PDE3B: variants seen among roughly 807,000 people sequenced by gnomAD.
PDE3B encodes the protein phosphodiesterase 3B, also known as cGMP-inhibited 3',5'-cyclic phosphodiesterase 3B.
Under a neutral mutation model 116.8 loss-of-function variants are expected in PDE3B, and 66 were observed. That is an observed-to-expected ratio of 0.56 (90% CI 0.46 to 0.69). The LOEUF is 0.69. Ranked by LOEUF, PDE3B falls within the 30% of genes least tolerant of loss-of-function variation. The pLI is 0.00. For synonymous variants in PDE3B, 595 were observed against 533.6 expected (o/e 1.12, Z -1.59); for missense variants, 1,384 against 1,368.1 (o/e 1.01, Z -0.18).
intron 1 of PDE3B, among the ~76,000 whole-genome samples, chr11:14,672,647 C>A (rs969477810): frequency 6.6e-6 from 1 of 152,154 alleles, no homozygotes; most frequent in African/African-American, 2.4e-5. Flanking sequence ...CGGGCTCCTT[C>A]CTTTATGTTG....
intron 1 of PDE3B, among the ~76,000 whole-genome samples, chr11:14,711,741 A>T (rs1455561409): frequency 1.3e-5 from 2 of 152,200 alleles, no homozygotes; most frequent in Non-Finnish European, 2.9e-5. Context: ...TGAGATTTGT[A>T]GGGGACATCC....
intron 1 of PDE3B, among the ~76,000 whole-genome samples, chr11:14,660,912 T>C (rs1455287586): frequency 1.3e-5 from 2 of 152,080 alleles, no homozygotes; most frequent in Admixed American, 1.3e-4. Context: ...AAAAAACACA[T>C]GAAAAAATGC....
At chr11:14,752,586 T>C (rs1397548927) in intron 1 of PDE3B, among the ~76,000 whole-genome samples, 1 of 152,164 alleles carries the variant, frequency 6.6e-6, no homozygotes, top group Non-Finnish European at 1.5e-5. Flanking sequence ...TATGGAGTCA[T>C]GGCTGTCTTT....
chr11:14,713,309 C>G (rs1020103315), intron 1 of PDE3B, among the ~76,000 whole-genome samples: 2 of 152,184 alleles, frequency 1.3e-5, no homozygotes, highest in African/African-American at 4.8e-5. Flanking sequence ...GTGAACCTCA[C>G]TGGATCACGG....
intron 4 of PDE3B, among the ~76,000 whole-genome samples, chr11:14,795,997 A>T (rs1011560361): frequency 6.6e-6 from 1 of 151,958 alleles, no homozygotes; most frequent in Non-Finnish European, 1.5e-5. Context: ...CCTACATTAG[A>T]TATTTCTCCT....
At chr11:14,735,976 G>GTT (rs1856586661) in intron 1 of PDE3B, among the ~76,000 whole-genome samples, 1 of 151,816 alleles carries the variant, frequency 6.6e-6, no homozygotes, top group Non-Finnish European at 1.5e-5. Context: ...GTGTGTGTGT[G>GTT]TGTGTGTGTG....
At position 14,789,129 on chromosome 11, in the gene PDE3B, A is replaced by G; in HGVS notation, c.1302A>G (p.Pro434=). 6.2e-7 allele frequency: 1 copy of G among 1,609,974 alleles called. No homozygotes were observed. Among genetic ancestry groups the G allele is most frequent in the Non-Finnish European group, 8.5e-7 (1 of 1,177,692 alleles). ...LNKGLNRNSL[P]TPQLRRSSGT... is the part of the protein sequence containing the mutation. ...AGGGACTAAATAGGAATAGTTTGCC[A>G]ACTCCACAGCTGAGGAGAAGCTCAG... The change falls in exon 4 of 16, where the codon CCA becomes CCG. Residue 434 remains proline, a synonymous_variant. Transcript: ENST00000282096.
chr11:14,730,116 A>G (rs1190838588), intron 1 of PDE3B, among the ~76,000 whole-genome samples: 5 of 152,184 alleles, frequency 3.3e-5, no homozygotes, highest in African/African-American at 9.7e-5. Flanking sequence ...TAGCCAATGA[A>G]TGCTGTCTCT....
chr11:14,684,380 AG>A (rs992764046), intron 1 of PDE3B, among the ~76,000 whole-genome samples: 1 of 152,080 alleles, frequency 6.6e-6, no homozygotes, highest in Non-Finnish European at 1.5e-5. Flanking sequence ...TCAAAAGGAG[AG>A]GGGGTACAAG....
intron 1 of PDE3B, chr11:14,698,910 A>G (rs2133815115): frequency 2.0e-5 from 3 of 152,128 alleles, no homozygotes; most frequent in Middle Eastern, 6.8e-3. Flanking sequence ...CATGGAGGAA[A>G]ATGAGTGACC....
intron 12 of PDE3B, among the ~76,000 whole-genome samples, chr11:14,847,944 T>C (rs1177788265): frequency 1.3e-5 from 2 of 152,140 alleles, no homozygotes; most frequent in Non-Finnish European, 2.9e-5. Context: ...TCTGAAACTA[T>C]TCCAATCAAT....
chr11:14,778,782 T>C (rs1173600103), intron 2 of PDE3B, among the ~76,000 whole-genome samples: 1 of 152,122 alleles, frequency 6.6e-6, no homozygotes, highest in Non-Finnish European at 1.5e-5. Flanking sequence ...GGAACGCAGC[T>C]CCTCGCCAGC....
the PDE3B span, chr11:14,885,701 T>A: frequency 2.1e-6 from 3 of 1,450,452 alleles, no homozygotes; most frequent in Non-Finnish European, 1.9e-6. Context: ...CCCAACTGTA[T>A]GCACTAAAAC....
intron 1 of PDE3B, among the ~76,000 whole-genome samples, chr11:14,730,763 C>T (rs1290368905): frequency 6.6e-6 from 1 of 152,116 alleles, no homozygotes; most frequent in Non-Finnish European, 1.5e-5. Flanking sequence ...TATCTTTGTA[C>T]TCACTTTGGA....
At chr11:14,793,091 C>T (rs570677958) in intron 4 of PDE3B, among the ~76,000 whole-genome samples, 2 of 152,192 alleles carry the variant, frequency 1.3e-5, no homozygotes, top group East Asian at 1.9e-4. Flanking sequence ...AGATTATGAC[C>T]CTTAATCTTG....
rs1355835424 is a variant in PDE3B, at chr11:14,871,170, G to T, written c.*1510G>T. The T allele has an allele frequency of 6.6e-6, 1 of 152,122 alleles. No homozygotes were observed. The highest frequency in any genetic ancestry group is 1.9e-4 in the East Asian group (1 of 5,200). The allele number at this position is 152,122 out of a possible 1,614,324, so 9.4% of individuals were successfully genotyped here. ...TCTAGAATATTTGGCTTATCTGAAA[G>T]ATATCAATTTAAGATCTCTGGAAGT... On this transcript the variant is annotated 3_prime_UTR_variant, in exon 16 of 16. Transcript: ENST00000282096.
At chr11:14,875,333 A>G (rs1295050201), downstream of PDE3B, among the ~76,000 whole-genome samples, 1 of 152,114 alleles carries the variant, frequency 6.6e-6, no homozygotes, top group Non-Finnish European at 1.5e-5. Flanking sequence ...AAAATTTCAA[A>G]GTATCTGATC....
At chr11:14,771,811 C>T in intron 1 of PDE3B, 126 bp from the exon 2 acceptor site, 2 of 390,766 alleles carry the variant, frequency 5.1e-6, no homozygotes, top group South Asian at 9.8e-5. Flanking sequence ...TTATTTTCAC[C>T]ATTCCAATAT....
intron 1 of PDE3B, among the ~76,000 whole-genome samples, chr11:14,762,644 T>G (rs933030250): frequency 6.6e-6 from 1 of 152,208 alleles, no homozygotes. Context: ...CTGTTGAGAA[T>G]AGATTCTACC....
Sources: allele counts gnomAD v4.1 joint callset (sites outside exome capture counted in the v4.1 genomes callset), GRCh38; gene constraint gnomAD v4.1.1; transcripts MANE v1.5; gene names NCBI Gene and HGNC (gene_info 2026-07-23, HGNC 2026-07-21).